Variants in CDK13 observed in about 807,000 individuals in gnomAD.
The protein encoded by CDK13 is cyclin-dependent kinase 13.
In CDK13, 40 loss-of-function variants were observed where a neutral mutation model predicts 137.6. That is an observed-to-expected ratio of 0.29 (90% CI 0.23 to 0.38). The LOEUF (loss-of-function observed/expected upper bound fraction) is 0.38. CDK13 is among the 10% of genes least tolerant of loss of function. CDK13 has a pLI of 1.00. For missense variants in CDK13, 1,704 were observed against 1,951.8 expected, an observed-to-expected ratio of 0.87 and a Z score of 2.39; for synonymous variants, 869 against 760.1, an observed-to-expected ratio of 1.14 and a Z score of -2.36.
chr7:39,963,869 T>C (rs1201781908), intron 1 of CDK13, among the ~76,000 whole-genome samples: 1 of 152,226 alleles, frequency 6.6e-6, no homozygotes. Context: ...CTGCATCTAT[T>C]GTGATAATCA....
At position 40,036,173 on chromosome 7, in the gene CDK13, T is replaced by TACAC. The variant is rs70996875; in HGVS notation, c.2354-9641_2354-9638dup. On this transcript the variant is annotated intron_variant, in intron 5 of 13. Coordinates refer to ENST00000181839, the MANE Select transcript of CDK13 (RefSeq NM_003718.5). ...CCTGTCTCAAAATAAATAAATAAAT[T>TACAC]ACACACACACACACACACACACACA... 3.0e-3 allele frequency among the ~76,000 whole-genome samples: 445 copies of TACAC among 149,136 alleles called. 1 individual carries two copies. The highest frequency in any genetic ancestry group is 7.7e-3 in the African/African-American group (315 of 40,758).
intron 7 of CDK13, among the ~76,000 whole-genome samples, chr7:40,060,506 G>A (rs1056108403): frequency 6.6e-6 from 1 of 152,040 alleles, no homozygotes; most frequent in Non-Finnish European, 1.5e-5. Flanking sequence ...AAAGTTAGAG[G>A]GCAATATACA....
At chr7:39,964,996 T>C (rs1258560347) in intron 1 of CDK13, among the ~76,000 whole-genome samples, 1 of 152,212 alleles carries the variant, frequency 6.6e-6, no homozygotes, top group Non-Finnish European at 1.5e-5. Context: ...AGACAGTTTG[T>C]TATAATTTCT....
Position 39,951,575 on chromosome 7 carries a change from C to T in CDK13, c.934C>T (p.Arg312Trp), listed in dbSNP as rs1343680611. Reference sequence around the variant, plus strand: ...CAAGACCGAGCCTAAGGCCTACAGGCGGCGGCGGTCCCTCAGCCCACTGGG... The same window carrying T: ...CAAGACCGAGCCTAAGGCCTACAGGTGGCGGCGGTCCCTCAGCCCACTGGG... The part of the protein sequence containing the change: ...EDKTEPKAYR[R>W]RRSLSPLGGR... Residue 312 changes from arginine to tryptophan, a missense_variant, in exon 1 of 14, where the codon CGG becomes TGG. Coordinates refer to ENST00000181839, the MANE Select transcript of CDK13 (RefSeq NM_003718.5). 1 of 1,511,258 alleles carries T rather than the reference C, an allele frequency of 6.6e-7. No individual in the cohort carries two copies. Among genetic ancestry groups the T allele is most frequent in the East Asian group, 2.6e-5 (1 of 37,992 alleles). The allele number at this position is 1,511,258 out of a possible 1,614,324, so 93.6% of individuals were successfully genotyped here. A position where few individuals can be genotyped will look rare whatever the true frequency, so the allele number is the denominator to read the frequency against.
At chr7:40,035,562 A>T (rs906652795) in intron 5 of CDK13, among the ~76,000 whole-genome samples, 7 of 152,034 alleles carry the variant, frequency 4.6e-5, no homozygotes, top group African/African-American at 1.4e-4. Flanking sequence ...TGTACTCCTT[A>T]TGAGAATCTA....
intron 9 of CDK13, among the ~76,000 whole-genome samples, chr7:40,068,312 GTTT>G (rs562603513): frequency 7.0e-6 from 1 of 143,842 alleles, no homozygotes; most frequent in Admixed American, 7.0e-5. Context: ...GGCATATTTG[GTTT>G]TTTTTTTTTA....
At chr7:39,995,954 C>A (rs1183774005) in intron 2 of CDK13, among the ~76,000 whole-genome samples, 1 of 152,092 alleles carries the variant, frequency 6.6e-6, no homozygotes, top group Non-Finnish European at 1.5e-5. Context: ...AGGTTGCACT[C>A]CGTCTGGATC....
intron 5 of CDK13, among the ~76,000 whole-genome samples, chr7:40,042,477 C>CTTTTTTTTTTTTTTTT (rs5883713): frequency 3.9e-5 from 3 of 76,128 alleles, no homozygotes; most frequent in East Asian, 3.5e-4. Flanking sequence ...TCTTTTCTTT[C>CTTTTTTTTTTTTTTTT]TTTTTTTTTT....
intron 2 of CDK13, among the ~76,000 whole-genome samples, chr7:39,994,462 A>G (rs1389274932): frequency 6.6e-6 from 1 of 152,062 alleles, no homozygotes; most frequent in Non-Finnish European, 1.5e-5. Context: ...CAGTATCTTA[A>G]CTGTTGTAGT....
intron 5 of CDK13, among the ~76,000 whole-genome samples, chr7:40,025,796 T>G (rs1785230689): frequency 6.6e-6 from 1 of 152,250 alleles, no homozygotes; most frequent in African/African-American, 2.4e-5. Flanking sequence ...TTTATTGGTA[T>G]TGTTTCCCCC....
chr7:40,024,709 G>C (rs1785207533), intron 5 of CDK13, among the ~76,000 whole-genome samples: 1 of 131,120 alleles, frequency 7.6e-6, no homozygotes, highest in South Asian at 2.6e-4. Context: ...TTTTGTCCAG[G>C]CTGGAGTGCA....
In CDK13 at chr7:40,098,050, TA is replaced by T. The variant is rs1165898131; in HGVS notation, c.*3073del. On this transcript the variant is annotated 3_prime_UTR_variant, in exon 14 of 14. Coordinates refer to ENST00000181839, the MANE Select transcript of CDK13 (RefSeq NM_003718.5). Reference sequence around the variant, plus strand: ...GGTATTTGCTACCCTCAGCTGTATCTAAATTGCACTTAAGTGAATGTAGGGC... The same window carrying T: ...GGTATTTGCTACCCTCAGCTGTATCTAATTGCACTTAAGTGAATGTAGGGC... 6.6e-6 allele frequency: 1 copy of T among 152,126 alleles called. No individual in the cohort carries two copies. The highest frequency in any genetic ancestry group is 1.5e-5 in the Non-Finnish European group (1 of 67,972). The allele number at this position is 152,126 out of a possible 1,614,324, so 9.4% of individuals were successfully genotyped here. A position where few individuals can be genotyped will look rare whatever the true frequency, so the allele number is the denominator to read the frequency against.
intron 1 of CDK13, among the ~76,000 whole-genome samples, chr7:39,964,853 C>G (rs1783832384): frequency 1.3e-5 from 2 of 152,068 alleles, no homozygotes; most frequent in South Asian, 4.1e-4. Flanking sequence ...CAAAGAACAT[C>G]TTTATTTCTG....
chr7:40,021,953 A>G (rs2150497423), intron 5 of CDK13, among the ~76,000 whole-genome samples: 1 of 152,350 alleles, frequency 6.6e-6, no homozygotes, highest in African/African-American at 2.4e-5. Context: ...TTTTGAGGCA[A>G]GATGCACACC....
chr7:40,006,575 T>A (rs1432840575), intron 5 of CDK13, among the ~76,000 whole-genome samples: 1 of 152,128 alleles, frequency 6.6e-6, no homozygotes, highest in Non-Finnish European at 1.5e-5. Context: ...GCACTTTGGT[T>A]GGCTGAGGCG....
At chr7:40,021,748 G>C (rs948217085) in intron 5 of CDK13, among the ~76,000 whole-genome samples, 4 of 151,720 alleles carry the variant, frequency 2.6e-5, no homozygotes, top group Non-Finnish European at 4.4e-5. Context: ...ATCTATGAAG[G>C]ATAGAGAAGG....
chr7:40,087,110 A>G (rs1166645585), intron 11 of CDK13, among the ~76,000 whole-genome samples: 1 of 151,670 alleles, frequency 6.6e-6, no homozygotes, highest in East Asian at 1.9e-4. Context: ...GCCCTTTACT[A>G]CTTTTTTATC....
chr7:40,081,113 T>C (rs1786654349), intron 11 of CDK13, among the ~76,000 whole-genome samples: 1 of 152,170 alleles, frequency 6.6e-6, no homozygotes. Context: ...CAACATTTTT[T>C]AAGATTCCAA....
At chr7:40,088,471 A>G (rs989285389) in intron 12 of CDK13, 140 bp downstream of exon 12, 2 of 690,708 alleles carry the variant, frequency 2.9e-6, no homozygotes, top group African/African-American at 1.8e-5. Flanking sequence ...TCTTTGTGCC[A>G]GTACAGAAGT....
Sources: allele counts gnomAD v4.1 joint callset (sites outside exome capture counted in the v4.1 genomes callset), GRCh38; gene constraint gnomAD v4.1.1; transcripts MANE v1.5; gene names NCBI Gene and HGNC (gene_info 2026-07-23, HGNC 2026-07-21).